The following ANO2 variants were observed in gnomAD, a reference collection of about 807,000 sequenced individuals.
ANO2 encodes anoctamin-2.
In ANO2, 101 loss-of-function variants were observed where a neutral mutation model predicts 124.2. The ratio of observed to expected loss-of-function variants is 0.81; its 90% CI spans 0.69 to 0.96. The LOEUF (loss-of-function observed/expected upper bound fraction) is 0.96, where lower values mean the gene tolerates loss of function less well. ANO2 is among the 40% of genes least tolerant of loss of function. The probability of loss-of-function intolerance (pLI) is 0.00; values close to 1 mark genes in which losing one functional copy is unlikely to be tolerated. For missense variants in ANO2, 1,293 were observed against 1,274.5 expected (o/e 1.01, Z -0.22); for synonymous variants, 486 against 482.5 (o/e 1.01, Z -0.09).
intron 16 of ANO2, among the ~76,000 whole-genome samples, chr12:5,627,387 A>G (rs1445067543): frequency 6.6e-6 from 1 of 152,156 alleles, no homozygotes; most frequent in African/African-American, 2.4e-5. Flanking sequence ...CCCAACTTTC[A>G]GGCCAGATTG....
At chr12:5,815,189 C>A (rs767714491) in intron 7 of ANO2, among the ~76,000 whole-genome samples, 1 of 152,198 alleles carries the variant, frequency 6.6e-6, no homozygotes, top group Non-Finnish European at 1.5e-5. Context: ...TTTTCCACAG[C>A]AGAATCCTTC....
rs111434311 is a variant in ANO2, at chr12:5,590,095, T to A, written c.2233+9389A>T. On this transcript the variant is annotated intron_variant, in intron 20 of 24. Transcript: ENST00000682330. ...GAGGAGGCAGGGCAGACACAGCAGA[T>A]TCCTAAGATACCCTATTGCAAGCTT... Among the ~76,000 whole-genome samples the A allele has an allele frequency of 6.2e-3, 942 of 151,564 alleles. 20 individuals carry two copies. The highest frequency in any genetic ancestry group is 0.021 in the African/African-American group (886 of 41,376).
At chr12:5,662,023 TC>T (rs1947469096) in intron 14 of ANO2, among the ~76,000 whole-genome samples, 1 of 152,126 alleles carries the variant, frequency 6.6e-6, no homozygotes, top group Non-Finnish European at 1.5e-5. Flanking sequence ...ATGGCGCCCC[TC>T]CCTTCTCCCC....
chr12:5,784,438 G>A (rs189142049), intron 10 of ANO2, among the ~76,000 whole-genome samples: 5 of 152,274 alleles, frequency 3.3e-5, no homozygotes, highest in East Asian at 1.9e-4. Flanking sequence ...GTAAGTATTC[G>A]TTGAATCGTT....
intron 3 of ANO2, among the ~76,000 whole-genome samples, chr12:5,883,372 T>A (rs1938640587): frequency 6.6e-6 from 1 of 152,176 alleles, no homozygotes; most frequent in Admixed American, 6.5e-5. Flanking sequence ...GAAACACTCA[T>A]GGAAATGTCA....
intron 16 of ANO2, among the ~76,000 whole-genome samples, chr12:5,627,869 A>T (rs1945496540): frequency 6.6e-6 from 1 of 152,010 alleles, no homozygotes; most frequent in Non-Finnish European, 1.5e-5. Flanking sequence ...GAGGCAGGAG[A>T]ATCACTTGAG....
chr12:5,875,188 T>G (rs1938007755), intron 3 of ANO2, among the ~76,000 whole-genome samples: 1 of 152,216 alleles, frequency 6.6e-6, no homozygotes, highest in South Asian at 2.1e-4. Context: ...TTATATATAA[T>G]AGGTGTCCAA....
chr12:5,641,712 T>C (rs1946401488), intron 15 of ANO2, among the ~76,000 whole-genome samples: 1 of 152,166 alleles, frequency 6.6e-6, no homozygotes. Flanking sequence ...ACCCCAGGCA[T>C]AGTGAGATTC....
At chr12:5,725,880 G>C (rs540756205) in intron 14 of ANO2, among the ~76,000 whole-genome samples, 1 of 152,046 alleles carries the variant, frequency 6.6e-6, no homozygotes, top group Admixed American at 6.6e-5. Flanking sequence ...TCTTCTTACT[G>C]TACTCTAATA....
chr12:5,919,667 A>G (rs543084045), intron 3 of ANO2, among the ~76,000 whole-genome samples: 2 of 152,026 alleles, frequency 1.3e-5, no homozygotes, highest in South Asian at 4.2e-4. Context: ...GAAGGGTAGG[A>G]ATGAGTTTGG....
At chr12:5,907,398 T>A (rs999324037) in intron 3 of ANO2, among the ~76,000 whole-genome samples, 7 of 152,228 alleles carry the variant, frequency 4.6e-5, no homozygotes, top group Non-Finnish European at 8.8e-5. Flanking sequence ...TTCAAACTCA[T>A]AATCATGGTA....
intron 4 of ANO2, among the ~76,000 whole-genome samples, chr12:5,849,135 A>C (rs2137245713): frequency 6.6e-6 from 1 of 152,270 alleles, no homozygotes; most frequent in Non-Finnish European, 1.5e-5. Flanking sequence ...AGCAAATGAG[A>C]CCCCTTCAAT....
chr12:5,852,848 C>T (rs935918653), intron 4 of ANO2, among the ~76,000 whole-genome samples: 12 of 123,880 alleles, frequency 9.7e-5, no homozygotes, highest in African/African-American at 2.5e-4. Context: ...TGGAAAGGGA[C>T]GTGTGTGTGT....
At chr12:5,744,081 A>T (rs1951188395) in intron 12 of ANO2, 76 bp downstream of exon 12, 2 of 1,565,690 alleles carry the variant, frequency 1.3e-6, no homozygotes, top group Non-Finnish European at 1.7e-6. Flanking sequence ...CCTGAAGGGG[A>T]TGAGCTTTAC....
At chr12:5,722,518 A>T (rs1471372855) in intron 14 of ANO2, among the ~76,000 whole-genome samples, 1 of 152,220 alleles carries the variant, frequency 6.6e-6, no homozygotes, top group Non-Finnish European at 1.5e-5. Context: ...AAAATAAAAA[A>T]TAAAAACTAA....
chr12:5,916,492 TAAAAAAAAAAA>T (rs57056611), intron 3 of ANO2, among the ~76,000 whole-genome samples: 1 of 93,160 alleles, frequency 1.1e-5, no homozygotes, highest in African/African-American at 4.3e-5. Flanking sequence ...CGCAGCAGGT[TAAAAAAAAAAA>T]AAAAAAAAAA....
intron 20 of ANO2, among the ~76,000 whole-genome samples, chr12:5,580,691 A>C (rs1942693779): frequency 6.6e-6 from 1 of 152,222 alleles, no homozygotes; most frequent in Non-Finnish European, 1.5e-5. Context: ...GATAAGAGCA[A>C]CCACAATAGA....
intron 14 of ANO2, among the ~76,000 whole-genome samples, chr12:5,684,779 C>T (rs1002122080): frequency 6.6e-6 from 1 of 152,132 alleles, no homozygotes; most frequent in Non-Finnish European, 1.5e-5. Context: ...ATGCAGCCCA[C>T]ATTGTTTACT....
intron 10 of ANO2, among the ~76,000 whole-genome samples, chr12:5,754,040 T>C (rs145672073): frequency 4.5e-4 from 68 of 152,346 alleles, no homozygotes; most frequent in Non-Finnish European, 8.2e-4. Context: ...ATTGTGTTGA[T>C]GTTAGTTCCT....
Sources: allele counts gnomAD v4.1 joint callset (sites outside exome capture counted in the v4.1 genomes callset), GRCh38; gene constraint gnomAD v4.1.1; transcripts MANE v1.5; gene names NCBI Gene and HGNC (gene_info 2026-07-23, HGNC 2026-07-21).